The following SUSD1 variants were observed in gnomAD, a reference collection of about 807,000 sequenced individuals.
SUSD1 encodes sushi domain-containing protein 1.
Under a neutral mutation model 86.9 loss-of-function variants are expected in SUSD1, and 65 were observed. The ratio of observed to expected loss-of-function variants is 0.75; its 90% CI spans 0.61 to 0.92. The LOEUF is 0.92. SUSD1 is among the 40% of genes least tolerant of loss of function. SUSD1 has a pLI of 0.00. For missense variants in SUSD1, 850 were observed against 929.7 expected (o/e 0.91, Z 1.11); for synonymous variants, 346 against 350.0 (o/e 0.99, Z 0.13).
intron 12 of SUSD1, among the ~76,000 whole-genome samples, chr9:112,068,719 AT>A (rs199921249): frequency 0.069 from 7,277 of 105,104 alleles, 261 homozygotes; most frequent in South Asian, 0.21. Flanking sequence ...AAAAAAAAAT[AT>A]TTTTAGCCGT....
intron 5 of SUSD1, among the ~76,000 whole-genome samples, chr9:112,138,076 T>C (rs1378384339): frequency 6.7e-6 from 1 of 149,084 alleles, no homozygotes; most frequent in Non-Finnish European, 1.5e-5. Flanking sequence ...TACAAAAAAT[T>C]AGCTGGGCAT....
intron 15 of SUSD1, chr9:112,052,138 T>A: frequency 7.1e-7 from 1 of 1,406,602 alleles, no homozygotes; most frequent in Non-Finnish European, 9.2e-7. Context: ...AAGAGAAAAA[T>A]AGAAAGTCCC....
intron 12 of SUSD1, among the ~76,000 whole-genome samples, chr9:112,066,653 G>C (rs185755365): frequency 2.2e-4 from 33 of 152,274 alleles, no homozygotes; most frequent in Non-Finnish European, 1.5e-4. Context: ...GTCCGTACGT[G>C]TTGTCTTTTC....
At chr9:112,131,208 T>C (rs1832020811) in intron 5 of SUSD1, among the ~76,000 whole-genome samples, 1 of 152,208 alleles carries the variant, frequency 6.6e-6, no homozygotes, top group African/African-American at 2.4e-5. Context: ...CCAGTAAATC[T>C]GGGCAGTTTC....
chr9:112,084,115 G>A (rs1431863769), intron 10 of SUSD1, among the ~76,000 whole-genome samples: 1 of 152,034 alleles, frequency 6.6e-6, no homozygotes, highest in African/African-American at 2.4e-5. Context: ...TATAACAATT[G>A]TAGGATTTCA....
chr9:112,163,468 C>CAA (rs34476249), intron 1 of SUSD1, among the ~76,000 whole-genome samples: 3 of 136,550 alleles, frequency 2.2e-5, no homozygotes, highest in South Asian at 2.3e-4. Flanking sequence ...TCATCGCTAC[C>CAA]AAAAAAAAAA....
intron 5 of SUSD1, among the ~76,000 whole-genome samples, chr9:112,134,053 G>A (rs1346230169): frequency 1.3e-5 from 2 of 151,776 alleles, no homozygotes; most frequent in East Asian, 1.9e-4. Flanking sequence ...TTATTAAAAA[G>A]ACAAAAAATA....
chr9:112,100,993 T>C (rs1830611216), intron 9 of SUSD1, among the ~76,000 whole-genome samples: 1 of 152,164 alleles, frequency 6.6e-6, no homozygotes, highest in Non-Finnish European at 1.5e-5. Flanking sequence ...CCTATTTACC[T>C]ATATATTTCT....
intron 10 of SUSD1, 66 bp from the exon 11 acceptor site, chr9:112,080,231 G>T: frequency 8.6e-7 from 1 of 1,160,762 alleles, no homozygotes; most frequent in Middle Eastern, 2.4e-4. Flanking sequence ...TTTTAATTGA[G>T]CCATTTTTCC....
rs372823106 is a variant in SUSD1 at position 112,122,864 on chromosome 9, C to T, written c.886+1393G>A. Among the ~76,000 whole-genome samples, 10 of 152,236 alleles carry T rather than the reference C, an allele frequency of 6.6e-5. No homozygotes were observed. In the East Asian group the frequency reaches 1.9e-3, roughly 29 times the overall value. On this transcript the variant is annotated intron_variant, in intron 6 of 16. Transcript: ENST00000374270. ...AGACATTATGCTTAGTGAAATAAGC[C>T]AGTCTCAAATGAACAAGTACCATAT...
intron 10 of SUSD1, among the ~76,000 whole-genome samples, chr9:112,095,335 AGAGCTGAGCAG>A (rs1278324565): frequency 6.6e-6 from 1 of 152,264 alleles, no homozygotes; most frequent in Non-Finnish European, 1.5e-5. Context: ...GTAAAGGCTT[AGAGCTGAGCAG>A]GACCTGCTAA....
At chr9:112,089,547 C>T (rs958748408) in intron 10 of SUSD1, among the ~76,000 whole-genome samples, 14 of 152,020 alleles carry the variant, frequency 9.2e-5, no homozygotes, top group Admixed American at 2.0e-4. Context: ...TGGCCAGGTG[C>T]GGTGGCTCAC....
intron 6 of SUSD1, among the ~76,000 whole-genome samples, chr9:112,114,134 A>T (rs1360449252): frequency 6.6e-6 from 1 of 152,200 alleles, no homozygotes; most frequent in Non-Finnish European, 1.5e-5. Context: ...TCTATATACT[A>T]GCAATGAGCA....
intron 14 of SUSD1, among the ~76,000 whole-genome samples, chr9:112,056,372 A>G (rs1828448336): frequency 6.6e-6 from 1 of 152,224 alleles, no homozygotes; most frequent in Non-Finnish European, 1.5e-5. Flanking sequence ...AGATAAAAAG[A>G]GTTTTGGACG....
chr9:112,169,441 C>T (rs942411750), intron 1 of SUSD1: 12 of 152,066 alleles, frequency 7.9e-5, no homozygotes, highest in African/African-American at 2.2e-4. Context: ...GAACTCTCAA[C>T]CTTTCCTCAT....
chr9:112,078,292 C>A (rs1462084218), intron 12 of SUSD1, among the ~76,000 whole-genome samples: 1 of 152,200 alleles, frequency 6.6e-6, no homozygotes, highest in Non-Finnish European at 1.5e-5. Flanking sequence ...TGCAGTGAGC[C>A]ATGATCGTGC....
intron 1 of SUSD1, among the ~76,000 whole-genome samples, chr9:112,162,299 G>T (rs980040911): frequency 6.6e-6 from 1 of 152,190 alleles, no homozygotes; most frequent in Admixed American, 6.5e-5. Context: ...GCAAAAAAGG[G>T]GAGGGAAACT....
chr9:112,117,311 C>G (rs1831368377), intron 6 of SUSD1, among the ~76,000 whole-genome samples: 1 of 152,162 alleles, frequency 6.6e-6, no homozygotes, highest in Non-Finnish European at 1.5e-5. Flanking sequence ...ATGGAGTGCC[C>G]ACGGCATCAG....
chr9:112,050,126 C>T (rs551448809), intron 15 of SUSD1, among the ~76,000 whole-genome samples: 13 of 152,286 alleles, frequency 8.5e-5, no homozygotes, highest in South Asian at 2.1e-4. Flanking sequence ...CTCGTGAGAA[C>T]GCCATGCCCA....
Sources: allele counts gnomAD v4.1 joint callset (sites outside exome capture counted in the v4.1 genomes callset), GRCh38; gene constraint gnomAD v4.1.1; transcripts MANE v1.5; gene names NCBI Gene and HGNC (gene_info 2026-07-23, HGNC 2026-07-21).